LPP: variants seen among roughly 807,000 people sequenced by gnomAD.
LPP encodes lipoma-preferred partner.
LPP carries 38 observed loss-of-function variants against 60.4 expected under a neutral mutation model. The ratio of observed to expected loss-of-function variants is 0.63; its 90% CI spans 0.49 to 0.83. The LOEUF (loss-of-function observed/expected upper bound fraction) is 0.83, where lower values mean the gene tolerates loss of function less well. LPP is among the 40% of genes least tolerant of loss of function. LPP has a pLI of 0.00. For missense variants in LPP, 902 were observed against 783.6 expected, an observed-to-expected ratio of 1.15 and a Z score of -1.80; for synonymous variants, 328 against 290.8, an observed-to-expected ratio of 1.13 and a Z score of -1.30.
chr3:188,464,298 G>C (rs73192697), intron 4 of LPP, among the ~76,000 whole-genome samples: 28,903 of 152,086 alleles, frequency 0.19, 2,775 homozygotes, highest in East Asian at 0.23. Context: ...TATGGTAGCT[G>C]CTAGCCCCAT....
At chr3:188,611,936 C>T (rs969449700) in intron 7 of LPP, among the ~76,000 whole-genome samples, 8 of 152,184 alleles carry the variant, frequency 5.3e-5, no homozygotes, top group African/African-American at 1.9e-4. Context: ...TTGGCCTGTC[C>T]TCACCAACTG....
intron 2 of LPP, among the ~76,000 whole-genome samples, chr3:188,262,634 T>C (rs1280041719): frequency 4.0e-5 from 6 of 150,956 alleles, no homozygotes; most frequent in Non-Finnish European, 1.5e-5. Context: ...CTCTCTCTCT[T>C]GTCTCTCTCT....
chr3:188,600,100 T>A (rs945855931), intron 6 of LPP, among the ~76,000 whole-genome samples: 1 of 151,410 alleles, frequency 6.6e-6, no homozygotes, highest in African/African-American at 2.4e-5. Context: ...TTTTCTGCTA[T>A]GCTTCTTCCT....
intron 5 of LPP, among the ~76,000 whole-genome samples, chr3:188,495,064 T>TTATATATATATATATATATATATA (rs1192152538): frequency 0.036 from 1,957 of 53,640 alleles, 181 homozygotes; most frequent in Admixed American, 0.054. Context: ...GTTCAGGATT[T>TTATATATATATATATATATATATA]TATATATATA....
At chr3:188,334,957 TAA>T (rs1335549249) in intron 2 of LPP, among the ~76,000 whole-genome samples, 6 of 152,218 alleles carry the variant, frequency 3.9e-5, no homozygotes, top group Non-Finnish European at 7.3e-5. Context: ...CACCATTTAT[TAA>T]AGAGATTCTT....
At chr3:188,429,415 A>T in intron 4 of LPP, among the ~76,000 whole-genome samples, 1 of 152,232 alleles carries the variant, frequency 6.6e-6, no homozygotes, top group Non-Finnish European at 1.5e-5. Context: ...CTAGAAGGAC[A>T]CGAGGCTTAA....
rs896058963 is a variant in LPP, at chr3:188,878,831, A to T, written c.*4352A>T. On this transcript the variant is annotated 3_prime_UTR_variant, in exon 12 of 12. Transcript: ENST00000617246. ...ACTTTTCATCTTAATATATTCTAGTAGTATTTATTTTTTCCTTGTCTTGGA... is the reference window on the plus strand; with the variant it reads ...ACTTTTCATCTTAATATATTCTAGTTGTATTTATTTTTTCCTTGTCTTGGA... 1.0e-5 allele frequency: 2 copies of T among 200,854 alleles called. No individual in the cohort carries two copies. The highest frequency in any genetic ancestry group is 4.6e-5 in the African/African-American group (2 of 43,534). The allele number at this position is 200,854 out of a possible 1,614,324, so 12.4% of individuals were successfully genotyped here.
At chr3:188,564,027 T>C (rs950492199) in intron 6 of LPP, among the ~76,000 whole-genome samples, 4 of 151,976 alleles carry the variant, frequency 2.6e-5, no homozygotes, top group African/African-American at 7.2e-5. Flanking sequence ...TTCGCTGAGA[T>C]AGAATAAGGT....
At position 188,598,964 on chromosome 3, in the gene LPP, T is replaced by G. The variant is rs145948564; in HGVS notation, c.430-10197T>G. ...GGCCTGATTGGAGAAAAGTGTCTGG[T>G]CCCTTGAGGAGATGCTTCAGCAAAC... On this transcript the variant is annotated intron_variant, in intron 6 of 11. Transcript: ENST00000617246. 4.2e-3 allele frequency among the ~76,000 whole-genome samples: 635 copies of G among 152,236 alleles called. 5 individuals are homozygous for G. Among genetic ancestry groups the G allele is most frequent in the African/African-American group, 0.015 (609 of 41,534 alleles).
At chr3:188,385,056 A>G (rs183521748) in intron 3 of LPP, among the ~76,000 whole-genome samples, 1 of 151,628 alleles carries the variant, frequency 6.6e-6, no homozygotes, top group African/African-American at 2.4e-5. Flanking sequence ...TTAGGGATCT[A>G]GTTGCTTACT....
chr3:188,333,941 G>C (rs73192624), intron 2 of LPP, among the ~76,000 whole-genome samples: 16,482 of 152,094 alleles, frequency 0.11, 1,419 homozygotes, highest in East Asian at 0.31. Flanking sequence ...TAATTATAGT[G>C]ATTCTATAGT....
chr3:188,784,300 C>T (rs1030666847), intron 9 of LPP, among the ~76,000 whole-genome samples: 1 of 143,184 alleles, frequency 7.0e-6, no homozygotes, highest in African/African-American at 2.6e-5. Context: ...TATATATATT[C>T]CATCATATAT....
At chr3:188,688,003 G>A (rs1577034393) in intron 7 of LPP, among the ~76,000 whole-genome samples, 1 of 152,180 alleles carries the variant, frequency 6.6e-6, no homozygotes, top group South Asian at 2.1e-4. Flanking sequence ...AACAGTGTCT[G>A]AGGTATTTTT....
At chr3:188,665,458 TTC>T (rs528011858) in intron 7 of LPP, among the ~76,000 whole-genome samples, 3,974 of 57,608 alleles carry the variant, frequency 0.069, 232 homozygotes, top group African/African-American at 0.24. Flanking sequence ...CTTCTTCTTC[TTC>T]TTTTTTTTTT....
intron 10 of LPP, 36 bp from the exon 11 acceptor site, chr3:188,872,607 C>A: frequency 1.2e-6 from 2 of 1,613,612 alleles, no homozygotes; most frequent in Non-Finnish European, 8.5e-7. Flanking sequence ...AGTGTCGACG[C>A]GCAGTATCTA....
At chr3:188,362,480 T>A (rs145306837) in intron 3 of LPP, among the ~76,000 whole-genome samples, 1 of 152,210 alleles carries the variant, frequency 6.6e-6, no homozygotes, top group Non-Finnish European at 1.5e-5. Context: ...GCCATACTCC[T>A]TTGGACATCC....
chr3:188,809,640 C>G (rs1750286307), intron 9 of LPP, among the ~76,000 whole-genome samples: 1 of 152,092 alleles, frequency 6.6e-6, no homozygotes, highest in Non-Finnish European at 1.5e-5. Flanking sequence ...TGCCTGTTCA[C>G]TCTGATGATA....
At chr3:188,327,434 T>A (rs1196280054) in intron 2 of LPP, among the ~76,000 whole-genome samples, 1 of 152,220 alleles carries the variant, frequency 6.6e-6, no homozygotes, top group Non-Finnish European at 1.5e-5. Context: ...TTATATTGGA[T>A]CTACACAGAA....
intron 5 of LPP, among the ~76,000 whole-genome samples, chr3:188,499,385 T>C (rs1364866159): frequency 6.6e-6 from 1 of 152,206 alleles, no homozygotes; most frequent in African/African-American, 2.4e-5. Flanking sequence ...GAAAAGACTG[T>C]CCTTCCTGTA....
Sources: allele counts gnomAD v4.1 joint callset (sites outside exome capture counted in the v4.1 genomes callset), GRCh38; gene constraint gnomAD v4.1.1; transcripts MANE v1.5; gene names NCBI Gene and HGNC (gene_info 2026-07-23, HGNC 2026-07-21).